OLFM3: variants seen among roughly 807,000 people sequenced by gnomAD.
OLFM3 encodes the protein olfactomedin 3.
OLFM3 carries 20 observed loss-of-function variants against 48.6 expected under a neutral mutation model. The ratio of observed to expected loss-of-function variants is 0.41; its 90% CI spans 0.29 to 0.60. The LOEUF is 0.60. Ranked by LOEUF, OLFM3 falls within the 20% of genes least tolerant of loss-of-function variation. The probability of loss-of-function intolerance (pLI) is 0.28; values close to 1 mark genes in which losing one functional copy is unlikely to be tolerated. For missense variants in OLFM3, 437 were observed against 544.3 expected (o/e 0.80, Z 1.96); for synonymous variants, 222 against 198.1 (o/e 1.12, Z -1.01).
rs71592233 is a variant in OLFM3 at position 101,967,590 on chromosome 1, G to GAAAAAAAAAAAAAAAAAA, written c.69+29140_69+29157dup. On this transcript the variant is annotated intron_variant, in intron 1 of 5. Transcript: ENST00000370103. ...CCTTTTTACTTCCATCCTAGTCAGTGAAAAAAAAAAAAAAAAAAAAAAAAG... is the reference window on the plus strand; with the variant it reads ...CCTTTTTACTTCCATCCTAGTCAGTGAAAAAAAAAAAAAAAAAAAAAAAAAAAAAAAAAAAAAAAAAAG... Among the ~76,000 whole-genome samples, 122 of 44,582 alleles carry GAAAAAAAAAAAAAAAAAA rather than the reference G, an allele frequency of 2.7e-3. 11 individuals are homozygous for GAAAAAAAAAAAAAAAAAA. The highest frequency in any genetic ancestry group is 9.3e-3 in the African/African-American group (86 of 9,244). 29.2% of individuals were successfully genotyped at this position (44,582 alleles called of 152,430 possible). A position where few individuals can be genotyped will look rare whatever the true frequency, so the allele number is the denominator to read the frequency against.
rs1191091453 is a variant in OLFM3, at chr1:101,836,958, A to G, written c.137T>C (p.Ile46Thr). 1 of 1,613,990 alleles carries G rather than the reference A, an allele frequency of 6.2e-7. No individual in the cohort carries two copies. Among genetic ancestry groups the G allele is most frequent in the East Asian group, 2.2e-5 (1 of 44,882 alleles). ...TTGTTCTGGAGCAACAACTGTGCAA[A>G]TGCACCGCCCATCAGGATCCTGAGC... The part of the protein sequence containing the change: ...SSAQDPDGRC[I>T]CTVVAPEQNL... Residue 46 changes from isoleucine (I) to threonine (T), a missense_variant, in exon 2 of 6, where the codon ATT (isoleucine) becomes ACT (threonine). Ile to Thr is a moderately conservative substitution (Grantham distance 89, BLOSUM62 -1). This residue lies in a region of OLFM3 where 314 missense variants were observed against 365.5 expected (regional missense o/e 0.86). Coordinates refer to ENST00000370103, the MANE Select transcript of OLFM3 (RefSeq NM_058170.4).
intron 1 of OLFM3, among the ~76,000 whole-genome samples, chr1:101,839,486 G>A (rs1373651021): frequency 6.6e-6 from 1 of 152,162 alleles, no homozygotes; most frequent in Non-Finnish European, 1.5e-5. Flanking sequence ...TTTTAGCTGG[G>A]CATCTCCTAA....
intron 1 of OLFM3, among the ~76,000 whole-genome samples, chr1:101,975,992 G>T (rs2101102416): frequency 6.6e-6 from 1 of 152,240 alleles, no homozygotes; most frequent in Middle Eastern, 3.4e-3. Context: ...CAAAAGCCTA[G>T]CTATACTTAA....
chr1:101,974,190 T>C (rs1276896324), intron 1 of OLFM3, among the ~76,000 whole-genome samples: 2 of 152,118 alleles, frequency 1.3e-5, no homozygotes, highest in Non-Finnish European at 1.5e-5. Context: ...TTAACAACTA[T>C]TTTCACCCAC....
chr1:101,977,825 C>A (rs1660996722), intron 1 of OLFM3, among the ~76,000 whole-genome samples: 1 of 151,948 alleles, frequency 6.6e-6, no homozygotes, highest in Admixed American at 6.6e-5. Context: ...AACACTTTAA[C>A]ACCATTGCTT....
intron 1 of OLFM3, among the ~76,000 whole-genome samples, chr1:101,961,307 A>G (rs1033154133): frequency 1.3e-5 from 2 of 152,086 alleles, no homozygotes; most frequent in Admixed American, 6.6e-5. Context: ...TAAGTTCAGT[A>G]AACAAGATGA....
chr1:101,942,274 C>T (rs1233854233), intron 1 of OLFM3, among the ~76,000 whole-genome samples: 2 of 152,108 alleles, frequency 1.3e-5, no homozygotes, highest in African/African-American at 4.8e-5. Flanking sequence ...TGCTACATGT[C>T]TAAAGACCAC....
At chr1:101,876,477 G>C (rs1657305730) in intron 1 of OLFM3, among the ~76,000 whole-genome samples, 1 of 151,958 alleles carries the variant, frequency 6.6e-6, no homozygotes, top group Non-Finnish European at 1.5e-5. Context: ...CTGGGATGAA[G>C]AATGTCTAAA....
chr1:101,874,555 T>G (rs2100981091), intron 1 of OLFM3, among the ~76,000 whole-genome samples: 1 of 151,906 alleles, frequency 6.6e-6, no homozygotes, highest in Admixed American at 6.6e-5. Flanking sequence ...AAATGTCTGG[T>G]ACTATGTATA....
rs182209533 is a variant in OLFM3, at chr1:101,831,964, A to G, written c.217-1137T>C. On this transcript the variant is annotated intron_variant, in intron 2 of 5. Coordinates refer to ENST00000370103, the MANE Select transcript of OLFM3 (RefSeq NM_058170.4). ...GTCACCCAGGCTGGAGTGCAGTGGC[A>G]TGATCTCAGCTCACCACAACCTCCG... is the stretch of plus-strand genomic sequence containing the variant. Among the ~76,000 whole-genome samples the G allele has an allele frequency of 3.3e-3, 508 of 152,184 alleles. 2 individuals are homozygous for G. The highest frequency in any genetic ancestry group is 4.7e-3 in the Non-Finnish European group (318 of 67,930).
At chr1:101,875,965 A>T (rs1217501942) in intron 1 of OLFM3, among the ~76,000 whole-genome samples, 1 of 152,070 alleles carries the variant, frequency 6.6e-6, no homozygotes, top group African/African-American at 2.4e-5. Context: ...TACATAAATG[A>T]CTGGCTTGCT....
chr1:101,887,584 C>A (rs1227776905), intron 1 of OLFM3, among the ~76,000 whole-genome samples: 5 of 151,960 alleles, frequency 3.3e-5, no homozygotes, highest in Admixed American at 6.6e-5. Context: ...TGTTATGCAA[C>A]TTGATTGCTA....
intron 1 of OLFM3, among the ~76,000 whole-genome samples, chr1:101,876,757 T>A (rs1440808142): frequency 1.3e-5 from 2 of 152,004 alleles, no homozygotes; most frequent in African/African-American, 2.4e-5. Flanking sequence ...GAATTCTATA[T>A]GTTAAAATCA....
intron 1 of OLFM3, among the ~76,000 whole-genome samples, chr1:101,901,672 T>A (rs1431139132): frequency 6.6e-6 from 1 of 151,992 alleles, no homozygotes; most frequent in Admixed American, 6.6e-5. Context: ...TGGGGAAGAA[T>A]GTGGACATGA....
At chr1:101,853,755 T>A (rs1656310325) in intron 1 of OLFM3, among the ~76,000 whole-genome samples, 2 of 152,124 alleles carry the variant, frequency 1.3e-5, no homozygotes, top group Non-Finnish European at 2.9e-5. Context: ...AGTATTGTGT[T>A]TTGCATGTAT....
intron 1 of OLFM3, among the ~76,000 whole-genome samples, chr1:101,857,884 T>C (rs1331859192): frequency 6.6e-6 from 1 of 152,096 alleles, no homozygotes; most frequent in Non-Finnish European, 1.5e-5. Context: ...TTGTAATATT[T>C]TGCACTTCAT....
chr1:101,936,163 T>C (rs540011843), intron 1 of OLFM3, among the ~76,000 whole-genome samples: 28 of 152,008 alleles, frequency 1.8e-4, no homozygotes, highest in African/African-American at 6.0e-4. Context: ...ATCAGAGAAA[T>C]AGAGAAACTC....
chr1:101,960,513 T>C (rs1426342476), intron 1 of OLFM3, among the ~76,000 whole-genome samples: 1 of 152,192 alleles, frequency 6.6e-6, no homozygotes, highest in Non-Finnish European at 1.5e-5. Flanking sequence ...CTACTAGCAT[T>C]ATTGCTGTAT....
At chr1:101,823,609 T>C (rs994233072) in intron 4 of OLFM3, among the ~76,000 whole-genome samples, 3 of 151,886 alleles carry the variant, frequency 2.0e-5, no homozygotes, top group African/African-American at 7.2e-5. Flanking sequence ...TCCTACAACA[T>C]AAGGAATCCA....
Sources: gnomAD v4.1 joint callset for allele counts (sites outside exome capture counted in the v4.1 genomes callset) on GRCh38, gnomAD v4.1.1 for gene constraint, gnomAD v4.1.1 regional missense constraint, MANE v1.5 for transcripts, NCBI Gene and HGNC (gene_info 2026-07-23, HGNC 2026-07-21) for gene names.